The following LRMDA variants were observed in gnomAD, a reference collection of about 807,000 sequenced individuals.
LRMDA encodes leucine-rich melanocyte differentiation-associated protein.
Under a neutral mutation model 29.8 loss-of-function variants are expected in LRMDA, and 18 were observed. That is an observed-to-expected ratio of 0.60 (90% CI 0.42 to 0.90). The LOEUF is 0.90. Ranked by LOEUF, LRMDA falls within the 40% of genes least tolerant of loss-of-function variation. LRMDA has a pLI of 0.00. For synonymous variants in LRMDA, 125 were observed against 109.4 expected (o/e 1.14, Z -0.89); for missense variants, 273 against 273.9 (o/e 1.00, Z 0.02).
intron 2 of LRMDA, among the ~76,000 whole-genome samples, chr10:75,855,926 C>G (rs142600991): frequency 0.017 from 2,593 of 152,222 alleles, 66 homozygotes; most frequent in African/African-American, 0.054. Flanking sequence ...TGGCCTATAT[C>G]TCTGTTTTGG....
intron 2 of LRMDA, among the ~76,000 whole-genome samples, chr10:75,466,230 C>G (rs1589151736): frequency 6.6e-6 from 1 of 152,184 alleles, no homozygotes; most frequent in Non-Finnish European, 1.5e-5. Flanking sequence ...TGAAATTTTC[C>G]AGAAGCAAGC....
At chr10:76,457,224 G>C (rs756995446) in intron 6 of LRMDA, among the ~76,000 whole-genome samples, 2 of 152,022 alleles carry the variant, frequency 1.3e-5, no homozygotes, top group African/African-American at 2.4e-5. Context: ...TCTTTTCTCC[G>C]CGTCAGCCAT....
At chr10:76,426,706 G>A (rs1842130043) in intron 6 of LRMDA, among the ~76,000 whole-genome samples, 1 of 152,074 alleles carries the variant, frequency 6.6e-6, no homozygotes, top group Admixed American at 6.6e-5. Flanking sequence ...GTATTACCTG[G>A]GTTTTCTTCT....
intron 5 of LRMDA, among the ~76,000 whole-genome samples, chr10:76,225,050 T>G (rs1256945627): frequency 6.6e-6 from 1 of 152,088 alleles, no homozygotes; most frequent in Non-Finnish European, 1.5e-5. Context: ...TTAACACATT[T>G]ATTGAGTTGT....
At chr10:75,769,878 G>A (rs949902401) in intron 2 of LRMDA, among the ~76,000 whole-genome samples, 1 of 152,162 alleles carries the variant, frequency 6.6e-6, no homozygotes, top group African/African-American at 2.4e-5. Flanking sequence ...AGCTACTTGG[G>A]AAGCTGAGGC....
intron 2 of LRMDA, among the ~76,000 whole-genome samples, chr10:75,671,660 A>G (rs1437762233): frequency 6.6e-6 from 1 of 152,162 alleles, no homozygotes; most frequent in Non-Finnish European, 1.5e-5. Context: ...TCAGGGAGGG[A>G]TAGCATTAAC....
At chr10:75,849,570 A>G (rs973493954) in intron 2 of LRMDA, among the ~76,000 whole-genome samples, 1 of 152,168 alleles carries the variant, frequency 6.6e-6, no homozygotes, top group Admixed American at 6.5e-5. Flanking sequence ...ACATAGATAC[A>G]GGGAGGGAAA....
At chr10:76,512,364 A>G (rs1034552023) in intron 6 of LRMDA, among the ~76,000 whole-genome samples, 1 of 152,244 alleles carries the variant, frequency 6.6e-6, no homozygotes, top group Non-Finnish European at 1.5e-5. Flanking sequence ...GTATAGTACT[A>G]GTATGAGGAT....
At chr10:75,784,476 G>A (rs1489397444) in intron 2 of LRMDA, among the ~76,000 whole-genome samples, 1 of 152,076 alleles carries the variant, frequency 6.6e-6, no homozygotes. Context: ...GAGGCGGGAG[G>A]ATCACGAGGT....
chr10:76,433,015 G>T (rs574724509), intron 6 of LRMDA, among the ~76,000 whole-genome samples: 1 of 152,208 alleles, frequency 6.6e-6, no homozygotes, highest in Non-Finnish European at 1.5e-5. Flanking sequence ...AATTGGGAGG[G>T]GAGGGAATGG....
intron 3 of LRMDA, among the ~76,000 whole-genome samples, chr10:76,037,127 C>T (rs1310204524): frequency 6.6e-6 from 1 of 152,176 alleles, no homozygotes; most frequent in Non-Finnish European, 1.5e-5. Context: ...TTTACCTAGA[C>T]ATAGAAAGAG....
chr10:75,735,704 C>T (rs962601514), intron 2 of LRMDA, among the ~76,000 whole-genome samples: 2 of 152,172 alleles, frequency 1.3e-5, no homozygotes, highest in Non-Finnish European at 2.9e-5. Flanking sequence ...TGTTCCCACT[C>T]AAGCCTTGGG....
chr10:76,094,670 T>C (rs1849286222), intron 5 of LRMDA, among the ~76,000 whole-genome samples: 1 of 152,252 alleles, frequency 6.6e-6, no homozygotes, highest in African/African-American at 2.4e-5. Context: ...GAATTACGAG[T>C]AAGGCTTCAG....
intron 2 of LRMDA, among the ~76,000 whole-genome samples, chr10:75,487,410 T>C (rs1295703308): frequency 6.6e-6 from 1 of 152,156 alleles, no homozygotes; most frequent in Admixed American, 6.5e-5. Flanking sequence ...TCTCTGAGTG[T>C]AATAGTTTCA....
chr10:76,186,662 A>G (rs1220358477), intron 5 of LRMDA, among the ~76,000 whole-genome samples: 2 of 152,174 alleles, frequency 1.3e-5, no homozygotes, highest in Non-Finnish European at 2.9e-5. Flanking sequence ...CAGAGGCCCC[A>G]TTCATTTTGT....
chr10:76,179,426 A>G (rs1259324445), intron 5 of LRMDA, among the ~76,000 whole-genome samples: 1 of 152,054 alleles, frequency 6.6e-6, no homozygotes, highest in Non-Finnish European at 1.5e-5. Context: ...CTGATGGCTG[A>G]TGACCAGTTC....
chr10:75,565,772 G>T (rs557091636), intron 2 of LRMDA, among the ~76,000 whole-genome samples: 2 of 152,206 alleles, frequency 1.3e-5, no homozygotes, highest in Non-Finnish European at 2.9e-5. Context: ...TTGGGGTCAT[G>T]TATGATTAAA....
intron 2 of LRMDA, among the ~76,000 whole-genome samples, chr10:75,981,658 C>A (rs533882199): frequency 6.6e-6 from 1 of 152,114 alleles, no homozygotes; most frequent in East Asian, 1.9e-4. Flanking sequence ...TCGAGACCAT[C>A]CTGGCCAACT....
chr10:75,995,992 T>C (rs1847454771), intron 2 of LRMDA, among the ~76,000 whole-genome samples: 1 of 152,200 alleles, frequency 6.6e-6, no homozygotes, highest in Non-Finnish European at 1.5e-5. Context: ...ATGAATGTGC[T>C]TTGCCTGGGA....
Sources: gnomAD v4.1 joint callset for allele counts (sites outside exome capture counted in the v4.1 genomes callset) on GRCh38, gnomAD v4.1.1 for gene constraint, MANE v1.5 for transcripts, NCBI Gene and HGNC (gene_info 2026-07-23, HGNC 2026-07-21) for gene names.